Variants in METTL24 observed in about 807,000 individuals in gnomAD.
METTL24 encodes the protein methyltransferase like 24.
In METTL24, 29 loss-of-function variants were observed where a neutral mutation model predicts 32.7. The observed-to-expected ratio is 0.89, with a 90% CI of 0.66 to 1.21. The LOEUF (loss-of-function observed/expected upper bound fraction) is 1.21, where lower values mean the gene tolerates loss of function less well. METTL24 is among the 50% of genes most tolerant of loss of function. METTL24 has a pLI of 0.00. For synonymous variants in METTL24, 163 were observed against 179.5 expected (o/e 0.91, Z 0.73); for missense variants, 439 against 468.1 (o/e 0.94, Z 0.57).
At chr6:110,282,367 A>G (rs1771150984) in intron 4 of METTL24, among the ~76,000 whole-genome samples, 1 of 152,146 alleles carries the variant, frequency 6.6e-6, no homozygotes, top group Non-Finnish European at 1.5e-5. Context: ...ATCCAACCCA[A>G]TAACTACTTA....
intron 1 of METTL24, among the ~76,000 whole-genome samples, chr6:110,345,861 C>G (rs1376471916): frequency 6.6e-6 from 1 of 152,160 alleles, no homozygotes; most frequent in Admixed American, 6.5e-5. Flanking sequence ...TCAAAATAAT[C>G]TGTACAACAA....
At chr6:110,265,116 T>C (rs1368145023) in intron 4 of METTL24, among the ~76,000 whole-genome samples, 5 of 129,616 alleles carry the variant, frequency 3.9e-5, no homozygotes, top group African/African-American at 1.2e-4. Context: ...AAACTTAAAG[T>C]ATAATAAAAA....
At chr6:110,291,027 A>G (rs1255746827) in intron 4 of METTL24, among the ~76,000 whole-genome samples, 1 of 151,516 alleles carries the variant, frequency 6.6e-6, no homozygotes, top group African/African-American at 2.4e-5. Context: ...TGCCAGTTTA[A>G]CTCTTTTGTT....
intron 4 of METTL24, among the ~76,000 whole-genome samples, chr6:110,278,603 C>T (rs1398326440): frequency 1.3e-5 from 2 of 152,152 alleles, no homozygotes; most frequent in Non-Finnish European, 2.9e-5. Flanking sequence ...TAGAAAAACT[C>T]TTACTTATCA....
intron 4 of METTL24, among the ~76,000 whole-genome samples, chr6:110,294,211 G>A (rs891727364): frequency 6.6e-5 from 10 of 151,878 alleles, no homozygotes; most frequent in Non-Finnish European, 1.5e-4. Context: ...TTAACAAATG[G>A]TGAATTCCAG....
intron 4 of METTL24, among the ~76,000 whole-genome samples, chr6:110,284,747 A>AT (rs1434952767): frequency 6.6e-6 from 1 of 152,062 alleles, no homozygotes; most frequent in Non-Finnish European, 1.5e-5. Context: ...AATAATTTTT[A>AT]TTTTTTTAGT....
At chr6:110,246,304 T>G (rs1778159473) in intron 4 of METTL24, 44 bp from the exon 5 acceptor site, 1 of 1,487,658 alleles carries the variant, frequency 6.7e-7, no homozygotes, top group Non-Finnish European at 9.1e-7. Flanking sequence ...TTAGTAAAAC[T>G]ATCTTGATAT....
chr6:110,296,744 T>A (rs1181206373), intron 4 of METTL24, among the ~76,000 whole-genome samples: 1 of 152,232 alleles, frequency 6.6e-6, no homozygotes, highest in Non-Finnish European at 1.5e-5. Context: ...CTACACTCAC[T>A]TTCAGAATAA....
intron 1 of METTL24, among the ~76,000 whole-genome samples, chr6:110,343,208 G>A (rs895111089): frequency 6.6e-6 from 1 of 152,172 alleles, no homozygotes; most frequent in African/African-American, 2.4e-5. Context: ...AATGAAGACA[G>A]GAAGAAAGGG....
intron 4 of METTL24, among the ~76,000 whole-genome samples, chr6:110,283,446 C>G (rs903535858): frequency 6.6e-6 from 1 of 152,170 alleles, no homozygotes; most frequent in Non-Finnish European, 1.5e-5. Flanking sequence ...CAAATCCTCT[C>G]ACCGCTCCCC....
intron 2 of METTL24, 81 bp downstream of exon 2, chr6:110,322,693 C>A (rs1324836336): frequency 1.7e-6 from 2 of 1,200,312 alleles, no homozygotes; most frequent in Non-Finnish European, 2.4e-6. Flanking sequence ...TCGCTGAGAA[C>A]CTCCCCCACC....
intron 1 of METTL24, among the ~76,000 whole-genome samples, chr6:110,347,278 T>C (rs1431205324): frequency 6.6e-6 from 1 of 152,226 alleles, no homozygotes; most frequent in African/African-American, 2.4e-5. Context: ...ATTAAAATGT[T>C]GAGCCCTGAC....
At chr6:110,285,647 A>G (rs548366778) in intron 4 of METTL24, among the ~76,000 whole-genome samples, 4 of 152,296 alleles carry the variant, frequency 2.6e-5, no homozygotes, top group Middle Eastern at 3.4e-3. Flanking sequence ...TTTAACACTC[A>G]TAAAGGAATT....
intron 3 of METTL24, among the ~76,000 whole-genome samples, chr6:110,314,132 C>T (rs916536509): frequency 1.3e-5 from 2 of 152,116 alleles, no homozygotes; most frequent in African/African-American, 4.8e-5. Flanking sequence ...TGGTGGTTGT[C>T]ATACCTGGGC....
Position 110,300,814 on chromosome 6 carries a change from T to A in METTL24, c.558-1664A>T, listed in dbSNP as rs190838191. Reference sequence around the variant, plus strand: ...TTGAAAATATTCGAAAAAACAAAAATAAAAAAATAATACAACATTAAAAAT... The same window carrying A: ...TTGAAAATATTCGAAAAAACAAAAAAAAAAAAATAATACAACATTAAAAAT... On this transcript the variant is annotated intron_variant, in intron 3 of 4. Transcript: ENST00000338882. Among the ~76,000 whole-genome samples, 664 of 151,256 alleles carry A rather than the reference T, an allele frequency of 4.4e-3. 1 individual carries two copies. Among genetic ancestry groups the A allele is most frequent in the Non-Finnish European group, 5.9e-3 (402 of 67,686 alleles).
At chr6:110,253,959 G>A in intron 4 of METTL24, 3 of 1,439,150 alleles carry the variant, frequency 2.1e-6, no homozygotes, top group African/African-American at 2.9e-5. Flanking sequence ...TGGCAAGTGG[G>A]TGAAGGTCCA....
At chr6:110,333,704 A>G (rs1385930753) in intron 1 of METTL24, among the ~76,000 whole-genome samples, 2 of 152,198 alleles carry the variant, frequency 1.3e-5, no homozygotes, top group Non-Finnish European at 2.9e-5. Flanking sequence ...GGCCTCCCAA[A>G]GTTCTGGGAT....
chr6:110,261,729 C>T (rs149041558), intron 4 of METTL24, among the ~76,000 whole-genome samples: 12,233 of 152,186 alleles, frequency 0.08, 524 homozygotes, highest in South Asian at 0.16. Flanking sequence ...AAGCACTCCT[C>T]AGCAAATGTC....
intron 3 of METTL24, among the ~76,000 whole-genome samples, chr6:110,305,000 A>G (rs1771602820): frequency 6.6e-6 from 1 of 152,234 alleles, no homozygotes; most frequent in South Asian, 2.1e-4. Context: ...AGTGGGGGCC[A>G]ATACTCAACA....
Sources: gnomAD v4.1 joint callset for allele counts (sites outside exome capture counted in the v4.1 genomes callset) on GRCh38, gnomAD v4.1.1 for gene constraint, MANE v1.5 for transcripts, NCBI Gene and HGNC (gene_info 2026-07-23, HGNC 2026-07-21) for gene names.